The following GPHN variants were observed in gnomAD, a reference collection of about 807,000 sequenced individuals.
GPHN encodes the protein gephyrin.
Under a neutral mutation model 95.5 loss-of-function variants are expected in GPHN, and 17 were observed. The ratio of observed to expected loss-of-function variants is 0.18; its 90% confidence interval spans 0.12 to 0.27. The LOEUF is 0.27. GPHN is among the 10% of genes least tolerant of loss of function. The pLI, the probability that GPHN is intolerant of heterozygous loss-of-function variation, is 1.00. For missense variants in GPHN, 660 were observed against 978.1 expected (o/e 0.67, Z 4.34); for synonymous variants, 320 against 322.5 (o/e 0.99, Z 0.08).
chr14:66,839,200 T>C (rs1489223472), intron 4 of GPHN, among the ~76,000 whole-genome samples: 2 of 152,222 alleles, frequency 1.3e-5, no homozygotes, highest in Non-Finnish European at 2.9e-5. Flanking sequence ...TTGAAAATGA[T>C]GGTTGTCAGT....
chr14:67,194,199 CA>C, the GPHN span, among the ~76,000 whole-genome samples: 1 of 151,142 alleles, frequency 6.6e-6, no homozygotes, highest in East Asian at 2.0e-4. Flanking sequence ...CCCGTCTCTA[CA>C]AAAAAATACA....
intron 1 of GPHN, among the ~76,000 whole-genome samples, chr14:66,587,844 C>T (rs1449707752): frequency 6.6e-6 from 1 of 152,200 alleles, no homozygotes; most frequent in Non-Finnish European, 1.5e-5. Context: ...CCTGCCAGCT[C>T]TGAAGAGAGC....
the GPHN span, chr14:67,646,947 A>G: frequency 1.9e-6 from 3 of 1,609,236 alleles, no homozygotes; most frequent in African/African-American, 1.3e-5. Flanking sequence ...TATGATATCC[A>G]GTATTTTTCC....
chr14:67,349,248 A>G, the GPHN span: 1 of 772,642 alleles, frequency 1.3e-6, no homozygotes, highest in Non-Finnish European at 2.0e-6. Flanking sequence ...TTTTCCAAAA[A>G]GGGAGAAAAG....
At chr14:67,355,482 A>G in the GPHN span, among the ~76,000 whole-genome samples, 1,366 of 127,882 alleles carry the variant, frequency 0.011, 19 homozygotes, top group Middle Eastern at 0.025. Flanking sequence ...AAAAAAAAAG[A>G]CTAGAAATAA....
At chr14:67,230,013 G>A in the GPHN span, among the ~76,000 whole-genome samples, 2 of 152,136 alleles carry the variant, frequency 1.3e-5, no homozygotes, top group African/African-American at 4.8e-5. Context: ...GGAGACTAAC[G>A]TTTTTAAGTT....
the GPHN span, among the ~76,000 whole-genome samples, chr14:67,511,417 G>A: frequency 6.6e-6 from 1 of 152,110 alleles, no homozygotes; most frequent in South Asian, 2.1e-4. Flanking sequence ...GCAATCTGAG[G>A]ACCCGAGACC....
the GPHN span, chr14:67,359,752 A>T: frequency 6.2e-7 from 1 of 1,606,838 alleles, no homozygotes; most frequent in Non-Finnish European, 8.5e-7. Flanking sequence ...AGGCTGCAAT[A>T]GCTCCAGAAC....
intron 1 of GPHN, among the ~76,000 whole-genome samples, chr14:66,575,124 G>A (rs896910175): frequency 3.2e-4 from 48 of 152,062 alleles, no homozygotes; most frequent in African/African-American, 1.2e-3. Context: ...TGGTAATTAC[G>A]AACTCTCAAA....
chr14:67,438,681 C>T, the GPHN span, among the ~76,000 whole-genome samples: 3 of 151,782 alleles, frequency 2.0e-5, no homozygotes, highest in Non-Finnish European at 4.4e-5. Context: ...GCCAACATGG[C>T]GAAACCCCAT....
At chr14:66,587,692 A>G (rs769356782) in intron 1 of GPHN, among the ~76,000 whole-genome samples, 12 of 152,234 alleles carry the variant, frequency 7.9e-5, no homozygotes, top group Non-Finnish European at 1.5e-4. Flanking sequence ...AGAAGATTAT[A>G]TTAGTCCATT....
At chr14:67,094,435 G>C (rs2077265645) in intron 12 of GPHN, among the ~76,000 whole-genome samples, 1 of 152,136 alleles carries the variant, frequency 6.6e-6, no homozygotes, top group South Asian at 2.1e-4. Context: ...AAATTCTACA[G>C]TTGCAAAGCA....
rs769267162 is a variant in GPHN, at chr14:67,116,218, A to C, written c.1626+3047A>C. Among the ~76,000 whole-genome samples, 157 of 152,114 alleles carry C rather than the reference A, an allele frequency of 1.0e-3. 2 individuals are homozygous for C. The highest frequency in any genetic ancestry group is 1.5e-3 in the Admixed American group (23 of 15,260). On this transcript the variant is annotated intron_variant, in intron 16 of 22. Coordinates refer to ENST00000478722, the MANE Select transcript of GPHN (RefSeq NM_020806.5). ...GGCTGAGGCAGAGGTTACAGTGCGC[A>C]ATGACCATTCCACTGTACTACAGCC...
At chr14:67,734,409 T>C in the GPHN span, 3 of 155,244 alleles carry the variant, frequency 1.9e-5, no homozygotes, top group Admixed American at 1.9e-4. Flanking sequence ...GAGTTCCGTT[T>C]GCCTTTCAAT....
the GPHN span, among the ~76,000 whole-genome samples, chr14:67,416,128 TTAAGA>T: frequency 6.6e-6 from 1 of 152,238 alleles, no homozygotes; most frequent in Non-Finnish European, 1.5e-5. Flanking sequence ...ACCTTGAAAC[TTAAGA>T]TAATTAAACA....
At position 66,922,663 on chromosome 14, in the gene GPHN, C is replaced by A. The variant is rs776431468; in HGVS notation, c.457-3C>A. 6.2e-7 allele frequency: 1 copy of A among 1,607,744 alleles called. No homozygotes were observed. The highest frequency in any genetic ancestry group is 2.2e-5 in the East Asian group (1 of 44,784). On this transcript the variant is annotated splice_polypyrimidine_tract_variant and splice_region_variant and intron_variant, in intron 6 of 22. Coordinates refer to ENST00000478722, the MANE Select transcript of GPHN (RefSeq NM_020806.5). ...AATTTTTTTTTCTTTCTCTTGCATACAGGAATGCTTTCAATTCATACTGCC... is the reference window on the plus strand; with the variant it reads ...AATTTTTTTTTCTTTCTCTTGCATAAAGGAATGCTTTCAATTCATACTGCC...
intron 4 of GPHN, among the ~76,000 whole-genome samples, chr14:66,879,070 A>G (rs549637042): frequency 2.0e-4 from 30 of 152,158 alleles, no homozygotes; most frequent in Non-Finnish European, 3.1e-4. Flanking sequence ...ACATGGATGA[A>G]GCTGGAAACC....
chr14:67,650,990 A>G, the GPHN span: 1 of 1,450,398 alleles, frequency 6.9e-7, no homozygotes, highest in South Asian at 1.2e-5. Context: ...GGATAGATGA[A>G]TACTAAATGG....
chr14:67,527,447 A>G, the GPHN span, among the ~76,000 whole-genome samples: 1 of 152,250 alleles, frequency 6.6e-6, no homozygotes, highest in African/African-American at 2.4e-5. Flanking sequence ...TCAAAAAAAA[A>G]GATGATTCCT....
Sources: gnomAD v4.1 joint callset for allele counts (sites outside exome capture counted in the v4.1 genomes callset) on GRCh38, gnomAD v4.1.1 for gene constraint, MANE v1.5 for transcripts, NCBI Gene and HGNC (gene_info 2026-07-23, HGNC 2026-07-21) for gene names.